NR3C2: variants seen among roughly 807,000 people sequenced by gnomAD.
NR3C2 encodes nuclear receptor subfamily 3 group C member 2, also known as mineralocorticoid receptor.
NR3C2 carries 15 observed loss-of-function variants against 86.4 expected under a neutral mutation model. The observed-to-expected ratio is 0.17, with a 90% CI of 0.12 to 0.27. The LOEUF (loss-of-function observed/expected upper bound fraction) is 0.27. Ranked by LOEUF, NR3C2 falls within the 10% of genes least tolerant of loss-of-function variation. The pLI, the probability that NR3C2 is intolerant of heterozygous loss-of-function variation, is 1.00. For missense variants in NR3C2, 960 were observed against 1,195.6 expected (o/e 0.80, Z 2.91); for synonymous variants, 458 against 450.5 (o/e 1.02, Z -0.21).
At chr4:148,393,882 C>T (rs1211471682) in intron 2 of NR3C2, among the ~76,000 whole-genome samples, 8 of 152,124 alleles carry the variant, frequency 5.3e-5, no homozygotes, top group Non-Finnish European at 1.2e-4. Context: ...ATTTTCAGCT[C>T]CTTCCATAAA....
At chr4:148,132,748 T>G (rs1327830574) in intron 6 of NR3C2, among the ~76,000 whole-genome samples, 1 of 152,230 alleles carries the variant, frequency 6.6e-6, no homozygotes, top group Non-Finnish European at 1.5e-5. Flanking sequence ...TTCTAGGATT[T>G]GAATCCAGGC....
At chr4:148,269,769 G>T (rs1248989384) in intron 2 of NR3C2, among the ~76,000 whole-genome samples, 1 of 152,076 alleles carries the variant, frequency 6.6e-6, no homozygotes, top group Non-Finnish European at 1.5e-5. Context: ...GAATCCTCAG[G>T]GAAGGAATCA....
intron 3 of NR3C2, among the ~76,000 whole-genome samples, chr4:148,224,816 T>C (rs941004851): frequency 7.9e-5 from 12 of 152,174 alleles, no homozygotes; most frequent in Non-Finnish European, 2.9e-5. Context: ...GAAGAAACAT[T>C]ACATCTGATA....
intron 6 of NR3C2, among the ~76,000 whole-genome samples, chr4:148,148,069 A>G (rs1258081890): frequency 3.5e-5 from 3 of 86,372 alleles, no homozygotes; most frequent in Non-Finnish European, 2.9e-5. Flanking sequence ...AACTGCCTAT[A>G]TAATACGTCT....
chr4:148,393,264 C>T (rs182631213), intron 2 of NR3C2, among the ~76,000 whole-genome samples: 68 of 152,262 alleles, frequency 4.5e-4, no homozygotes, highest in Middle Eastern at 3.4e-3. Context: ...TTCAATGATT[C>T]ACACTAGTCT....
chr4:148,402,619 T>C (rs1333579278), intron 2 of NR3C2, among the ~76,000 whole-genome samples: 1 of 152,218 alleles, frequency 6.6e-6, no homozygotes, highest in Non-Finnish European at 1.5e-5. Flanking sequence ...TTTTTGTATA[T>C]GAACACAACA....
intron 2 of NR3C2, among the ~76,000 whole-genome samples, chr4:148,319,285 T>C (rs971228542): frequency 2.0e-4 from 31 of 152,220 alleles, no homozygotes; most frequent in Non-Finnish European, 1.2e-4. Context: ...TGTAGCCTTG[T>C]AGTATAGTTC....
chr4:148,145,841 A>C (rs1733843289), intron 6 of NR3C2, among the ~76,000 whole-genome samples: 1 of 152,170 alleles, frequency 6.6e-6, no homozygotes, highest in South Asian at 2.1e-4. Context: ...GAAATTAAAA[A>C]AACAATGGAA....
intron 3 of NR3C2, among the ~76,000 whole-genome samples, chr4:148,241,182 T>C (rs1739015286): frequency 6.6e-6 from 1 of 151,206 alleles, no homozygotes. Context: ...GGCGCACACC[T>C]GTAGTCCCAG....
intron 8 of NR3C2, among the ~76,000 whole-genome samples, chr4:148,110,032 C>T (rs978611197): frequency 3.3e-5 from 5 of 152,166 alleles, no homozygotes; most frequent in Non-Finnish European, 7.4e-5. Flanking sequence ...ATTGTCAATT[C>T]TTTCTAGTAG....
At position 148,436,028 on chromosome 4, in the gene NR3C2, T is replaced by C; in HGVS notation, c.833A>G (p.His278Arg). The C allele has an allele frequency of 6.2e-7, 1 of 1,614,040 alleles. No homozygotes were observed. The highest frequency in any genetic ancestry group is 8.5e-7 in the Non-Finnish European group (1 of 1,179,996). The change falls in exon 2 of 9, where the codon CAC becomes CGC. Residue 278 changes from histidine (H) to arginine (R), a missense_variant. Transcript: ENST00000358102. ...MKSSISSPPS[H>R]CSVKSPVSSP... ...GGAGACTGGAGATTTTACACTGCAG[T>C]GACTTGGAGGGCTGGAAATTGAGGA...
intron 6 of NR3C2, among the ~76,000 whole-genome samples, chr4:148,144,543 C>G (rs1158562749): frequency 1.3e-5 from 2 of 151,978 alleles, no homozygotes. Flanking sequence ...GATAGATTGA[C>G]AAAAAGGAAT....
rs1485874769 is a variant in NR3C2, at chr4:148,304,106, C to G, written c.1758-43989G>C. 2.0e-5 allele frequency among the ~76,000 whole-genome samples: 3 copies of G among 151,484 alleles called. No homozygotes were observed. The East Asian group carries it at 5.8e-4, about 29-fold the overall frequency. On this transcript the variant is annotated intron_variant, in intron 2 of 8. Transcript: ENST00000358102. The stretch of plus-strand genomic sequence containing the variant: ...GTAGTCATTCATTTTCAGTCTGTAC[C>G]CCTTTCCAATGCATCCTGAACTCCT...
chr4:148,178,466 T>C (rs1309191200), intron 4 of NR3C2, among the ~76,000 whole-genome samples: 1 of 151,804 alleles, frequency 6.6e-6, no homozygotes, highest in African/African-American at 2.4e-5. Context: ...AAAATTAGGA[T>C]ATTGAAAATT....
intron 2 of NR3C2, among the ~76,000 whole-genome samples, chr4:148,342,343 A>C (rs1203488260): frequency 1.3e-5 from 2 of 152,118 alleles, no homozygotes; most frequent in Non-Finnish European, 2.9e-5. Flanking sequence ...TCAGCATTAC[A>C]TTTCAGACAG....
chr4:148,382,888 G>T (rs1025846997), intron 2 of NR3C2, among the ~76,000 whole-genome samples: 3 of 152,052 alleles, frequency 2.0e-5, no homozygotes, highest in Non-Finnish European at 2.9e-5. Context: ...GCAGTAGAAT[G>T]GTACTATCCC....
intron 7 of NR3C2, among the ~76,000 whole-genome samples, 166 bp from the exon 8 acceptor site, chr4:148,114,427 A>G (rs781582556): frequency 6.6e-6 from 1 of 152,264 alleles, no homozygotes; most frequent in Admixed American, 6.5e-5. Context: ...GTACACATAC[A>G]TACACAAAGA....
intron 4 of NR3C2, among the ~76,000 whole-genome samples, chr4:148,170,425 A>G (rs1399352481): frequency 7.3e-6 from 1 of 137,450 alleles, no homozygotes; most frequent in Admixed American, 7.8e-5. Context: ...CTCAAAAGTG[A>G]ACTCAGCATA....
intron 2 of NR3C2, among the ~76,000 whole-genome samples, chr4:148,315,049 T>C (rs72655291): frequency 1.8e-3 from 267 of 152,306 alleles, no homozygotes; most frequent in African/African-American, 5.8e-3. Context: ...TTTGACAGTA[T>C]CAAAGATGTT....
Sources: gnomAD v4.1 joint callset for allele counts (sites outside exome capture counted in the v4.1 genomes callset) on GRCh38, gnomAD v4.1.1 for gene constraint, MANE v1.5 for transcripts, NCBI Gene and HGNC (gene_info 2026-07-23, HGNC 2026-07-21) for gene names.